Variants in PCDH7 observed in about 807,000 individuals in gnomAD.
PCDH7 encodes protocadherin 7.
A neutral mutation model predicts 58.9 loss-of-function variants in PCDH7; 17 were observed. That is an observed-to-expected ratio of 0.29 (90% confidence interval 0.20 to 0.43). PCDH7 has a LOEUF of 0.43. Among genes scored for constraint, PCDH7 ranks in the 20% least tolerant of loss-of-function variants. The pLI is 1.00. For synonymous variants in PCDH7, 664 were observed against 616.4 expected, an observed-to-expected ratio of 1.08 and a Z score of -1.14; for missense variants, 1,274 against 1,441.0, an observed-to-expected ratio of 0.88 and a Z score of 1.88.
At chr4:30,827,147 A>C (rs761475027) in intron 1 of PCDH7, among the ~76,000 whole-genome samples, 2 of 152,192 alleles carry the variant, frequency 1.3e-5, no homozygotes, top group Non-Finnish European at 2.9e-5. Flanking sequence ...TGGGTTTTTA[A>C]CTTATATGTC....
At chr4:31,135,626 A>G (rs1411460028) in intron 3 of PCDH7, among the ~76,000 whole-genome samples, 2 of 152,214 alleles carry the variant, frequency 1.3e-5, no homozygotes, top group Non-Finnish European at 2.9e-5. Flanking sequence ...GATACATTTC[A>G]AAATTTGGAA....
chr4:30,900,778 G>A (rs1578221961), intron 1 of PCDH7, among the ~76,000 whole-genome samples: 1 of 152,100 alleles, frequency 6.6e-6, no homozygotes, highest in African/African-American at 2.4e-5. Flanking sequence ...TTATATATGG[G>A]GAGTTCCTGG....
chr4:30,905,162 G>A (rs1740754942), intron 1 of PCDH7, among the ~76,000 whole-genome samples: 1 of 152,168 alleles, frequency 6.6e-6, no homozygotes, highest in African/African-American at 2.4e-5. Context: ...TGATTCCAAT[G>A]CTCATGATGC....
intron 3 of PCDH7, among the ~76,000 whole-genome samples, chr4:31,132,220 G>T (rs942856288): frequency 2.0e-5 from 3 of 151,946 alleles, no homozygotes; most frequent in African/African-American, 7.2e-5. Flanking sequence ...GCTTTATCAT[G>T]GTTTATATGG....
intron 3 of PCDH7, among the ~76,000 whole-genome samples, chr4:30,961,078 C>T (rs1008554222): frequency 1.8e-4 from 27 of 152,102 alleles, no homozygotes; most frequent in African/African-American, 5.8e-4. Flanking sequence ...AGACTATTTT[C>T]TCTCTCAGCA....
chr4:30,969,035 C>T (rs553864730), intron 3 of PCDH7, among the ~76,000 whole-genome samples: 14 of 152,228 alleles, frequency 9.2e-5, no homozygotes, highest in African/African-American at 3.1e-4. Context: ...TACGTACTCT[C>T]GGTCAGAGAA....
chr4:31,036,617 A>G (rs1227074494), intron 3 of PCDH7, among the ~76,000 whole-genome samples: 1 of 152,210 alleles, frequency 6.6e-6, no homozygotes, highest in Non-Finnish European at 1.5e-5. Context: ...AGTGAACTAT[A>G]TAATGTTCAT....
chr4:31,001,356 A>T (rs1752350471), intron 3 of PCDH7, among the ~76,000 whole-genome samples: 1 of 152,134 alleles, frequency 6.6e-6, no homozygotes, highest in Non-Finnish European at 1.5e-5. Context: ...AAAAATTTTC[A>T]TAATAAAACA....
downstream of PCDH7, among the ~76,000 whole-genome samples, chr4:30,736,322 T>G (rs189991910): frequency 4.9e-4 from 74 of 152,250 alleles, no homozygotes; most frequent in African/African-American, 1.8e-3. Context: ...TTCAATAATT[T>G]GAGAGATAAT....
intron 1 of PCDH7, among the ~76,000 whole-genome samples, chr4:30,893,472 A>G (rs1738879048): frequency 6.6e-6 from 1 of 152,094 alleles, no homozygotes; most frequent in Admixed American, 6.6e-5. Context: ...TATAAAGATA[A>G]CAATGTCTGT....
chr4:31,039,931 A>C (rs1192944851), intron 3 of PCDH7, among the ~76,000 whole-genome samples: 1 of 152,172 alleles, frequency 6.6e-6, no homozygotes, highest in East Asian at 1.9e-4. Context: ...TTCTCCCCTC[A>C]TGTAGAATCT....
At chr4:31,055,728 C>G (rs979790439) in intron 3 of PCDH7, among the ~76,000 whole-genome samples, 21 of 151,970 alleles carry the variant, frequency 1.4e-4, no homozygotes, top group African/African-American at 4.1e-4. Flanking sequence ...AGGTGCCCAC[C>G]ACCATGCCCG....
chr4:31,024,804 C>T (rs920693801), intron 3 of PCDH7, among the ~76,000 whole-genome samples: 2 of 151,996 alleles, frequency 1.3e-5, no homozygotes, highest in Non-Finnish European at 2.9e-5. Context: ...TATGGTGATG[C>T]GATCTCCACT....
At position 30,723,435 on chromosome 4, in the gene PCDH7, T is replaced by C. The variant is rs1352233756; in HGVS notation, c.2013T>C (p.Asn671=). ...TGATGGATGCTGACAAGGGGCGGAA[T>C]GCAGAGATGAGCCTGTACATAGAGG... is the stretch of plus-strand genomic sequence containing the variant. Residue 671 remains asparagine (N), a synonymous_variant, in exon 1 of 2, where the codon AAT becomes AAC. Transcript: ENST00000361762. The surrounding 1 kb of genome is among the most constrained non-coding windows in gnomAD (Gnocchi z 4.6). The C allele has an allele frequency of 5.6e-6, 9 of 1,614,070 alleles. No homozygotes were observed. Among genetic ancestry groups the C allele is most frequent in the Admixed American group, 1.7e-5 (1 of 59,988 alleles).
chr4:30,769,241 A>G (rs114634789), intron 1 of PCDH7, among the ~76,000 whole-genome samples: 4,065 of 152,270 alleles, frequency 0.027, 122 homozygotes, highest in Admixed American at 0.099. Context: ...GCACGCAGCT[A>G]GTGTAGAGCC....
chr4:30,798,558 G>A (rs1243729654), intron 1 of PCDH7, among the ~76,000 whole-genome samples: 7 of 152,100 alleles, frequency 4.6e-5, no homozygotes, highest in African/African-American at 1.7e-4. Flanking sequence ...TCAAAAATTC[G>A]TAGGCACAAA....
At chr4:30,811,631 T>A (rs1397029055) in intron 1 of PCDH7, among the ~76,000 whole-genome samples, 1 of 152,208 alleles carries the variant, frequency 6.6e-6, no homozygotes, top group Non-Finnish European at 1.5e-5. Flanking sequence ...TGTGACATTT[T>A]AATTTCTTTT....
chr4:31,055,048 C>G (rs181408751), intron 3 of PCDH7, among the ~76,000 whole-genome samples: 2 of 152,206 alleles, frequency 1.3e-5, no homozygotes, highest in East Asian at 3.9e-4. Flanking sequence ...GTTTTAGCAA[C>G]TTATGAATAA....
At chr4:31,105,519 G>T (rs559057436) in intron 3 of PCDH7, among the ~76,000 whole-genome samples, 1 of 152,072 alleles carries the variant, frequency 6.6e-6, no homozygotes, top group Non-Finnish European at 1.5e-5. Flanking sequence ...GGAGGTGCTT[G>T]CTCTAAAGAG....
Sources: gnomAD v4.1 joint callset for allele counts (sites outside exome capture counted in the v4.1 genomes callset) on GRCh38, gnomAD v4.1.1 for gene constraint, Gnocchi (gnomAD v3.1) non-coding constraint, MANE v1.5 for transcripts, NCBI Gene and HGNC (gene_info 2026-07-23, HGNC 2026-07-21) for gene names.